Variants in ELAVL3 observed in about 807,000 individuals in gnomAD.
ELAVL3 encodes the protein ELAV-like protein 3.
A neutral mutation model predicts 34.2 loss-of-function variants in ELAVL3; 8 were observed. The ratio of observed to expected loss-of-function variants is 0.23; its 90% CI spans 0.14 to 0.42. ELAVL3 has a LOEUF of 0.42. ELAVL3 is among the 10% of genes least tolerant of loss of function. The pLI is 1.00. For missense variants in ELAVL3, 273 were observed against 518.8 expected (o/e 0.53, Z 4.60); for synonymous variants, 209 against 222.1 (o/e 0.94, Z 0.53).
At chr19:11,459,167 G>A (rs1970832765) in intron 3 of ELAVL3, among the ~76,000 whole-genome samples, 1 of 147,156 alleles carries the variant, frequency 6.8e-6, no homozygotes, top group African/African-American at 2.5e-5. Flanking sequence ...TCTGTCGCCA[G>A]GCTGGAGTGC....
chr19:11,477,224 G>A (rs1278062176), intron 1 of ELAVL3, among the ~76,000 whole-genome samples: 4 of 152,174 alleles, frequency 2.6e-5, no homozygotes, highest in African/African-American at 7.2e-5. Flanking sequence ...TGGCACAGAG[G>A]TCTCACATGT....
In ELAVL3 at chr19:11,454,486, T is replaced by A. The variant is rs1370410416; in HGVS notation, c.*40A>T. ...CTCTCTCTTTCTCTCTCTCTCTCTC[T>A]GCTGCCCGGGGAGGGGGTGGGAGGG... On this transcript the variant is annotated 3_prime_UTR_variant, in exon 7 of 7. Transcript: ENST00000359227. This position sits in a 1 kb window ranked among gnomAD's most constrained non-coding sequence, Gnocchi z 9.2. 1 of 1,407,668 alleles carries A rather than the reference T, an allele frequency of 7.1e-7. No homozygotes were observed. Among genetic ancestry groups the A allele is most frequent in the East Asian group, 2.6e-5 (1 of 37,874 alleles). 87.2% of individuals were successfully genotyped at this position (1,407,668 alleles called of 1,614,324 possible). A position where few individuals can be genotyped will look rare whatever the true frequency, so the allele number is the denominator to read the frequency against.
chr19:11,476,267 G>A (rs1971261585), intron 1 of ELAVL3, among the ~76,000 whole-genome samples: 1 of 152,192 alleles, frequency 6.6e-6, no homozygotes, highest in Admixed American at 6.6e-5. Context: ...CACGAGGAAA[G>A]AGAGTCTCAA....
In ELAVL3 at chr19:11,466,870, A is replaced by T; in HGVS notation, c.10-43T>A. Reference sequence around the variant, plus strand: ...CATCCGCTCACCGCCCAGTCCCCACACCAGGGGCCTGCGGCAATGAGTGGC... The same window carrying T: ...CATCCGCTCACCGCCCAGTCCCCACTCCAGGGGCCTGCGGCAATGAGTGGC... On this transcript the variant is annotated intron_variant, in intron 1 of 6. Coordinates refer to ENST00000359227, the MANE Select transcript of ELAVL3 (RefSeq NM_001420.4). The surrounding 1 kb of genome is among the most constrained non-coding windows in gnomAD (Gnocchi z 5.0). 6.6e-7 allele frequency: 1 copy of T among 1,514,702 alleles called. No homozygotes were observed. Among genetic ancestry groups the T allele is most frequent in the South Asian group, 1.2e-5 (1 of 84,306 alleles). 93.8% of individuals were successfully genotyped at this position (1,514,702 alleles called of 1,614,324 possible).
intron 1 of ELAVL3, among the ~76,000 whole-genome samples, chr19:11,475,601 G>A (rs1388555768): frequency 6.6e-6 from 1 of 150,422 alleles, no homozygotes; most frequent in Non-Finnish European, 1.5e-5. Flanking sequence ...ACTGCACCTG[G>A]TCACCATCTA....
intron 1 of ELAVL3, among the ~76,000 whole-genome samples, chr19:11,476,223 T>C (rs867312816): frequency 6.6e-6 from 1 of 152,144 alleles, no homozygotes; most frequent in Non-Finnish European, 1.5e-5. Context: ...TCTCCTGCCG[T>C]TGAACATGAT....
chr19:11,467,006 T>C (rs193228670), intron 1 of ELAVL3, among the ~76,000 whole-genome samples, 179 bp from the exon 2 acceptor site: 169 of 152,268 alleles, frequency 1.1e-3, no homozygotes, highest in African/African-American at 3.8e-3. Context: ...GGAATAAGCA[T>C]TGGGGGGAAA....
rs568603927 is a variant in ELAVL3 at position 11,456,529 on chromosome 19, C to T, written c.752+581G>A. ...TTTTTTTTTTTTTGAGATGGAGTTT[C>T]GCTCTTGTTGCCCAGGCTGGAGTGC... On this transcript the variant is annotated intron_variant, in intron 6 of 6. Transcript: ENST00000359227. 5.5e-5 allele frequency among the ~76,000 whole-genome samples: 8 copies of T among 144,686 alleles called. No homozygotes were observed. In the South Asian group the frequency reaches 1.3e-3, roughly 24 times the overall value. The allele number at this position is 144,686 out of a possible 152,430, so 94.9% of individuals were successfully genotyped here.
At chr19:11,471,320 ATTTT>A (rs923007289) in intron 1 of ELAVL3, among the ~76,000 whole-genome samples, 1 of 133,408 alleles carries the variant, frequency 7.5e-6, no homozygotes, top group East Asian at 2.4e-4. Context: ...AAAAAAAAAA[ATTTT>A]TTTTTTTGAG....
rs980569864 is a variant in ELAVL3 at position 11,480,748 on chromosome 19, G to A, written c.-140C>T. The A allele has an allele frequency of 8.4e-5, 68 of 813,582 alleles. No homozygotes were observed. Among genetic ancestry groups the A allele is most frequent in the Non-Finnish European group, 1.2e-4 (67 of 579,698 alleles). 50.4% of individuals were successfully genotyped at this position (813,582 alleles called of 1,614,324 possible). On this transcript the variant is annotated 5_prime_UTR_variant, in exon 1 of 7. Coordinates refer to ENST00000359227, the MANE Select transcript of ELAVL3 (RefSeq NM_001420.4). This position sits in a 1 kb window ranked among gnomAD's most constrained non-coding sequence, Gnocchi z 6.8. Reference sequence around the variant, plus strand: ...CCGCTGCAGATGTGGCGATGAAGGCGGCGGCTCCCTCGAGGGCCAGGGACG... The same window carrying A: ...CCGCTGCAGATGTGGCGATGAAGGCAGCGGCTCCCTCGAGGGCCAGGGACG...
intron 1 of ELAVL3, among the ~76,000 whole-genome samples, chr19:11,472,399 G>C (rs1971181636): frequency 6.6e-6 from 1 of 152,024 alleles, no homozygotes; most frequent in South Asian, 2.1e-4. Flanking sequence ...GAATTAAGAA[G>C]AATTCAGAAA....
rs142529752 is a variant in ELAVL3 at position 11,470,989 on chromosome 19, G to A, written c.10-4162C>T. Among the ~76,000 whole-genome samples the A allele has an allele frequency of 9.7e-4, 147 of 152,292 alleles. 4 individuals carry two copies. In the East Asian group the frequency reaches 0.028, roughly 29 times the overall value. On this transcript the variant is annotated intron_variant, in intron 1 of 6. Coordinates refer to ENST00000359227, the MANE Select transcript of ELAVL3 (RefSeq NM_001420.4). ...GTCTCCCAAGTAGCTAGGACTACAGGTGGGCGCCACCATGCCTGGCTAATT... is the reference window on the plus strand; with the variant it reads ...GTCTCCCAAGTAGCTAGGACTACAGATGGGCGCCACCATGCCTGGCTAATT...
At chr19:11,459,701 C>T (rs1249987537) in intron 3 of ELAVL3, among the ~76,000 whole-genome samples, 1 of 152,150 alleles carries the variant, frequency 6.6e-6, no homozygotes, top group Non-Finnish European at 1.5e-5. Flanking sequence ...GTGTGAGCCA[C>T]CATGCCTGGC....
chr19:11,457,232 C>CA, intron 5 of ELAVL3, 84 bp from the exon 6 acceptor site: 1 of 1,405,390 alleles, frequency 7.1e-7, no homozygotes, highest in Non-Finnish European at 9.5e-7. Context: ...TCCCCACCCC[C>CA]ACCCAACAGG....
chr19:11,461,529 T>C (rs1025719636), intron 3 of ELAVL3, among the ~76,000 whole-genome samples: 1 of 129,254 alleles, frequency 7.7e-6, no homozygotes, highest in Admixed American at 9.6e-5. Context: ...TCTCCCTCCC[T>C]CCCTCTTTCC....
intron 3 of ELAVL3, among the ~76,000 whole-genome samples, chr19:11,465,292 C>CCACA (rs1232612468): frequency 2.5e-5 from 3 of 121,348 alleles, no homozygotes; most frequent in East Asian, 4.4e-4. Context: ...CACACACACA[C>CCACA]CACACACACA....
chr19:11,453,201 G>A lies in ELAVL3; in HGVS notation c.*1325C>T, dbSNP rs1970693148. 1 of 152,300 alleles carries A rather than the reference G, an allele frequency of 6.6e-6. No homozygotes were observed. The highest frequency in any genetic ancestry group is 2.1e-4 in the South Asian group (1 of 4,818). The allele number at this position is 152,300 out of a possible 1,614,324, so 9.4% of individuals were successfully genotyped here. The stretch of plus-strand genomic sequence containing the variant: ...TTGGCCTCAAGTGTTGTGGGGGGGG[G>A]GGCTGCCTCCAGCCCACCGTGACGC... On this transcript the variant is annotated 3_prime_UTR_variant, in exon 7 of 7. Coordinates refer to ENST00000359227, the MANE Select transcript of ELAVL3 (RefSeq NM_001420.4).
Position 11,480,517 on chromosome 19 carries a change from CGCCGCA to C in ELAVL3, c.9+77_9+82del. ...TAGCTAGGCCTGGTCCTACCCCCCC[CGCCGCA>C]CCCGCCCAATCTCCGCGGAGCCTGG... On this transcript the variant is annotated intron_variant, in intron 1 of 6. Transcript: ENST00000359227. This position sits in a 1 kb window ranked among gnomAD's most constrained non-coding sequence, Gnocchi z 6.8. 7.0e-7 allele frequency: 1 copy of C among 1,420,104 alleles called. No individual in the cohort carries two copies. Among genetic ancestry groups the C allele is most frequent in the Non-Finnish European group, 9.2e-7 (1 of 1,084,254 alleles). The allele number at this position is 1,420,104 out of a possible 1,614,324, so 88.0% of individuals were successfully genotyped here. A position where few individuals can be genotyped will look rare whatever the true frequency, so the allele number is the denominator to read the frequency against.
chr19:11,478,134 G>A (rs939331975), intron 1 of ELAVL3, among the ~76,000 whole-genome samples: 1 of 152,172 alleles, frequency 6.6e-6, no homozygotes, highest in South Asian at 2.1e-4. Context: ...AGGGTGACAG[G>A]AGGAGGTGGA....
Sources: allele counts gnomAD v4.1 joint callset (sites outside exome capture counted in the v4.1 genomes callset), GRCh38; gene constraint gnomAD v4.1.1; non-coding constraint Gnocchi (gnomAD v3.1); transcripts MANE v1.5; gene names NCBI Gene and HGNC (gene_info 2026-07-23, HGNC 2026-07-21).